Variants in SHISA9 observed in about 807,000 individuals in gnomAD.
SHISA9 encodes the protein shisa family member 9.
A neutral mutation model predicts 38.0 loss-of-function variants in SHISA9; 13 were observed. That is an observed-to-expected ratio of 0.34 (90% CI 0.22 to 0.54). The LOEUF (loss-of-function observed/expected upper bound fraction) is 0.54, where lower values mean the gene tolerates loss of function less well. Ranked by LOEUF, SHISA9 falls within the 20% of genes least tolerant of loss-of-function variation. SHISA9 has a pLI of 0.91. For synonymous variants in SHISA9, 275 were observed against 242.0 expected (o/e 1.14, Z -1.27); for missense variants, 538 against 575.8 (o/e 0.93, Z 0.67).
chr16:13,299,728 A>T, the SHISA9 span, among the ~76,000 whole-genome samples: 1 of 151,776 alleles, frequency 6.6e-6, no homozygotes, highest in Non-Finnish European at 1.5e-5. Flanking sequence ...AAAAAAACAA[A>T]AAAAACCCGA....
Position 13,096,853 on chromosome 16 carries a change from T to TA in SHISA9, c.692-106540dup, listed in dbSNP as rs149560670. ...TGGGAGCTCTCTCTTCCCTGAGACT[T>TA]ACTCATGGATGGCTCCTCTTCTTGT... On this transcript the variant is annotated intron_variant, in intron 2 of 4. Coordinates refer to ENST00000558583, the MANE Select transcript of SHISA9 (RefSeq NM_001145204.3). 3.8e-3 allele frequency among the ~76,000 whole-genome samples: 576 copies of TA among 152,264 alleles called. 8 individuals are homozygous for TA. The highest frequency in any genetic ancestry group is 0.013 in the African/African-American group (541 of 41,554).
the SHISA9 span, among the ~76,000 whole-genome samples, chr16:13,469,320 G>GAGAAAAGAAAGAA: frequency 1.6e-5 from 1 of 61,572 alleles, no homozygotes; most frequent in Non-Finnish European, 3.0e-5. Flanking sequence ...GAGAGAGAGA[G>GAGAAAAGAAAGAA]AGAAAGAAAG....
intron 2 of SHISA9, among the ~76,000 whole-genome samples, chr16:12,996,161 G>T (rs1490386402): frequency 3.9e-5 from 6 of 152,192 alleles, no homozygotes; most frequent in Non-Finnish European, 5.9e-5. Flanking sequence ...CAAATTGGTG[G>T]CCTAGAAGGT....
chr16:13,150,030 T>TAAA (rs35012437), intron 2 of SHISA9, among the ~76,000 whole-genome samples: 39 of 67,664 alleles, frequency 5.8e-4, no homozygotes, highest in African/African-American at 5.3e-4. Flanking sequence ...TCCTCATCAT[T>TAAA]AAAAAAAAAA....
chr16:13,232,341 C>T (rs1018856478), intron 4 of SHISA9, among the ~76,000 whole-genome samples: 1 of 151,784 alleles, frequency 6.6e-6, no homozygotes, highest in Non-Finnish European at 1.5e-5. Context: ...AAATGAAAAA[C>T]AAATAAGAAA....
chr16:13,487,299 G>C, the SHISA9 span, among the ~76,000 whole-genome samples: 10 of 152,236 alleles, frequency 6.6e-5, no homozygotes, highest in East Asian at 1.9e-4. Context: ...CCCGAGACTC[G>C]GTAATTTATA....
intron 2 of SHISA9, among the ~76,000 whole-genome samples, chr16:13,154,129 C>CTA (rs1325403453): frequency 3.9e-5 from 6 of 152,114 alleles, no homozygotes; most frequent in African/African-American, 1.4e-4. Context: ...TCTTCTACAC[C>CTA]TATCTCATTT....
chr16:13,113,209 CAA>C (rs35316820), intron 2 of SHISA9, among the ~76,000 whole-genome samples: 3,180 of 65,030 alleles, frequency 0.049, 53 homozygotes, highest in African/African-American at 0.12. Context: ...GACTCCATCT[CAA>C]AAAAAAAAAA....
the SHISA9 span, among the ~76,000 whole-genome samples, chr16:13,312,936 G>C: frequency 6.6e-6 from 1 of 152,132 alleles, no homozygotes; most frequent in African/African-American, 2.4e-5. Flanking sequence ...AAGATAACAA[G>C]ATGAGGCCCT....
At chr16:13,481,356 A>T in the SHISA9 span, among the ~76,000 whole-genome samples, 1 of 152,158 alleles carries the variant, frequency 6.6e-6, no homozygotes, top group African/African-American at 2.4e-5. Context: ...AAAAAGTACA[A>T]CTCATTTTGT....
chr16:13,544,804 G>A, the SHISA9 span, among the ~76,000 whole-genome samples: 9 of 152,068 alleles, frequency 5.9e-5, no homozygotes, highest in East Asian at 1.9e-4. Context: ...TTCGCTGGGC[G>A]TGGTGGGGCG....
At chr16:13,521,309 A>G in the SHISA9 span, among the ~76,000 whole-genome samples, 1 of 152,184 alleles carries the variant, frequency 6.6e-6, no homozygotes, top group East Asian at 1.9e-4. Flanking sequence ...TTCTGACATC[A>G]TCTCTTCCCT....
intron 2 of SHISA9, among the ~76,000 whole-genome samples, chr16:13,089,650 C>T (rs2073752637): frequency 6.6e-6 from 1 of 151,982 alleles, no homozygotes; most frequent in Non-Finnish European, 1.5e-5. Context: ...TGGTGATATC[C>T]CCTTTATCAT....
At chr16:13,019,280 G>C (rs1013667687) in intron 2 of SHISA9, among the ~76,000 whole-genome samples, 1 of 152,090 alleles carries the variant, frequency 6.6e-6, no homozygotes, top group African/African-American at 2.4e-5. Context: ...GATTACAGAC[G>C]TGAGCCACCA....
chr16:12,908,537 G>A lies in SHISA9; in HGVS notation c.563+5910G>A, dbSNP rs373960812. 387 of 1,551,884 alleles carry A rather than the reference G, an allele frequency of 2.5e-4. 1 individual carries two copies. The highest frequency in any genetic ancestry group is 3.2e-4 in the Non-Finnish European group (370 of 1,147,072). ...GATTTCTTTCCAAGAGGACGAACCTGCCCCTGGAGAGTGGAGTGTCGGACT... is the reference window on the plus strand; with the variant it reads ...GATTTCTTTCCAAGAGGACGAACCTACCCCTGGAGAGTGGAGTGTCGGACT... On this transcript the variant is annotated intron_variant, in intron 1 of 4. Transcript: ENST00000558583.
chr16:12,970,454 T>TATATATAC (rs1567357279), intron 2 of SHISA9, among the ~76,000 whole-genome samples: 1 of 69,186 alleles, frequency 1.4e-5, no homozygotes, highest in African/African-American at 5.5e-5. Flanking sequence ...CATATATATA[T>TATATATAC]ACATATATGT....
At chr16:13,394,936 T>TGG in the SHISA9 span, among the ~76,000 whole-genome samples, 2 of 147,284 alleles carry the variant, frequency 1.4e-5, no homozygotes, top group Non-Finnish European at 3.0e-5. Flanking sequence ...GGGGTGTGTG[T>TGG]GTGTGTGTGT....
chr16:13,491,832 T>C, the SHISA9 span, among the ~76,000 whole-genome samples: 1 of 102,628 alleles, frequency 9.7e-6, no homozygotes, highest in Admixed American at 9.7e-5. Flanking sequence ...TTTTTTTTTT[T>C]TTTTTTTTTT....
the SHISA9 span, among the ~76,000 whole-genome samples, chr16:13,271,636 CAGAG>C: frequency 2.0e-5 from 3 of 152,098 alleles, no homozygotes; most frequent in Admixed American, 6.6e-5. Context: ...GAAAAACAGA[CAGAG>C]AGACCACCAA....
Sources: allele counts gnomAD v4.1 joint callset (sites outside exome capture counted in the v4.1 genomes callset), GRCh38; gene constraint gnomAD v4.1.1; transcripts MANE v1.5; gene names NCBI Gene and HGNC (gene_info 2026-07-23, HGNC 2026-07-21).